The following RARB variants were observed in gnomAD, a reference collection of about 807,000 sequenced individuals.
The protein encoded by RARB is HBV-activated protein.
In RARB, 17 loss-of-function variants were observed where a neutral mutation model predicts 51.9. The ratio of observed to expected loss-of-function variants is 0.33; its 90% CI spans 0.22 to 0.49. RARB has a LOEUF of 0.49. Among genes scored for constraint, RARB ranks in the 20% least tolerant of loss-of-function variants. The probability of loss-of-function intolerance (pLI) is 0.99; values close to 1 mark genes in which losing one functional copy is unlikely to be tolerated. For synonymous variants in RARB, 215 were observed against 195.4 expected (o/e 1.10, Z -0.84); for missense variants, 369 against 550.8 (o/e 0.67, Z 3.30).
At chr3:25,364,110 A>G (rs1249152404) in intron 5 of RARB, among the ~76,000 whole-genome samples, 1 of 152,024 alleles carries the variant, frequency 6.6e-6, no homozygotes, top group Non-Finnish European at 1.5e-5. Flanking sequence ...TTAGCATACT[A>G]TATAATTTAT....
At chr3:25,390,892 T>G (rs1456991533) in intron 5 of RARB, among the ~76,000 whole-genome samples, 1 of 145,518 alleles carries the variant, frequency 6.9e-6, no homozygotes, top group African/African-American at 2.5e-5. Context: ...AATAATAACT[T>G]TGATAATTTT....
intron 2 of RARB, among the ~76,000 whole-genome samples, chr3:25,058,715 C>T (rs1335771302): frequency 1.3e-5 from 2 of 151,506 alleles, no homozygotes; most frequent in Non-Finnish European, 1.5e-5. Flanking sequence ...CCTATAAAAA[C>T]AAAAACCAAC....
At chr3:25,534,036 A>G (rs1279924892) in intron 3 of RARB, among the ~76,000 whole-genome samples, 1 of 152,226 alleles carries the variant, frequency 6.6e-6, no homozygotes, top group African/African-American at 2.4e-5. Flanking sequence ...TGCTTTTACT[A>G]TGTGCCAGTT....
intron 2 of RARB, among the ~76,000 whole-genome samples, chr3:24,944,269 T>C (rs1016666334): frequency 1.3e-5 from 2 of 152,182 alleles, no homozygotes; most frequent in Admixed American, 1.3e-4. Flanking sequence ...TTGATCCCCT[T>C]GGGGATGTAA....
At chr3:25,004,308 T>C (rs1176614440) in intron 2 of RARB, among the ~76,000 whole-genome samples, 1 of 152,126 alleles carries the variant, frequency 6.6e-6, no homozygotes, top group Non-Finnish European at 1.5e-5. Flanking sequence ...TTAGTGAAAA[T>C]ACAGCGTTTT....
chr3:25,211,941 C>A (rs1368918203), intron 5 of RARB, among the ~76,000 whole-genome samples: 1 of 152,012 alleles, frequency 6.6e-6, no homozygotes, highest in Non-Finnish European at 1.5e-5. Flanking sequence ...ACTTTATTTC[C>A]CCACTTAAAA....
chr3:25,378,861 G>A (rs1184967246), intron 5 of RARB, among the ~76,000 whole-genome samples: 1 of 152,088 alleles, frequency 6.6e-6, no homozygotes, highest in East Asian at 1.9e-4. Flanking sequence ...AAGCTATCAG[G>A]GAAGATAGCA....
At chr3:24,918,525 C>G (rs1234979222) in intron 2 of RARB, among the ~76,000 whole-genome samples, 1 of 152,188 alleles carries the variant, frequency 6.6e-6, no homozygotes, top group South Asian at 2.1e-4. Context: ...AAATTATACA[C>G]TTATAACAGG....
At chr3:24,929,255 T>C (rs1695391051) in intron 2 of RARB, among the ~76,000 whole-genome samples, 1 of 152,130 alleles carries the variant, frequency 6.6e-6, no homozygotes, top group Admixed American at 6.6e-5. Context: ...ACCCAGGTAC[T>C]AGCCTTACTT....
At chr3:25,159,562 A>G (rs1700442192) in intron 4 of RARB, among the ~76,000 whole-genome samples, 1 of 152,132 alleles carries the variant, frequency 6.6e-6, no homozygotes, top group South Asian at 2.1e-4. Flanking sequence ...TGCCACTTGG[A>G]AATATATTCT....
intron 2 of RARB, among the ~76,000 whole-genome samples, chr3:24,959,644 T>A (rs774326819): frequency 1.3e-5 from 2 of 152,216 alleles, no homozygotes; most frequent in Admixed American, 6.5e-5. Context: ...ACTGCCCTTT[T>A]CCGTCTAGAA....
rs1244107559 is a variant in RARB at position 25,470,022 on chromosome 3, C to T, written c.306+8681C>T. Among the ~76,000 whole-genome samples, 4 of 152,106 alleles carry T rather than the reference C, an allele frequency of 2.6e-5. No individual in the cohort carries two copies. The East Asian group carries it at 7.7e-4, about 29-fold the overall frequency. The stretch of plus-strand genomic sequence containing the variant: ...GGTCTGCGTGTTCAGTTCCGGAGGC[C>T]GTGTTGAGTCACGGTCCACCTGAAG... On this transcript the variant is annotated intron_variant, in intron 2 of 7. Coordinates refer to ENST00000330688, the MANE Select transcript of RARB (RefSeq NM_000965.5).
rs759913955 is a variant in RARB at position 25,174,474 on chromosome 3, C to A, written c.77C>A (p.Pro26Gln). 3.0e-6 allele frequency: 4 copies of A among 1,352,112 alleles called. No homozygotes were observed. In the Admixed American group the frequency reaches 5.7e-5, roughly 19 times the overall value. 83.8% of individuals were successfully genotyped at this position (1,352,112 alleles called of 1,614,324 possible). A position where few individuals can be genotyped will look rare whatever the true frequency, so the allele number is the denominator to read the frequency against. ...ACTCACTATCCAGCCACACCCTACCCGTTACTCTTTCCACCTGTCATCGGA... is the reference window on the plus strand; with the variant it reads ...ACTCACTATCCAGCCACACCCTACCAGTTACTCTTTCCACCTGTCATCGGA... The change falls in exon 5 of 12, where the codon CCG becomes CAG. Residue 26 changes from proline (P) to glutamine (Q), a missense_variant. Coordinates refer to the RARB transcript ENST00000383772.
chr3:25,201,048 A>C (rs1409583487), intron 5 of RARB, among the ~76,000 whole-genome samples: 1 of 152,074 alleles, frequency 6.6e-6, no homozygotes, highest in Non-Finnish European at 1.5e-5. Flanking sequence ...GGCCATTTTC[A>C]CGATATTGAT....
intron 2 of RARB, among the ~76,000 whole-genome samples, chr3:24,917,807 G>A (rs564155147): frequency 8.5e-5 from 13 of 152,322 alleles, no homozygotes; most frequent in African/African-American, 1.4e-4. Flanking sequence ...GCTTACAGGC[G>A]TGAGCCACAG....
At chr3:25,509,677 A>T (rs1697792670) in intron 3 of RARB, among the ~76,000 whole-genome samples, 1 of 152,086 alleles carries the variant, frequency 6.6e-6, no homozygotes, top group South Asian at 2.1e-4. Context: ...GGTATCCTGG[A>T]ACCCAACTCC....
chr3:25,007,546 G>T (rs1697297571), intron 2 of RARB, among the ~76,000 whole-genome samples: 1 of 128,206 alleles, frequency 7.8e-6, no homozygotes, highest in Non-Finnish European at 1.6e-5. Context: ...AGTGAGCTGA[G>T]ATTGCGCCAT....
At chr3:24,902,431 A>G (rs1408820008) in intron 2 of RARB, among the ~76,000 whole-genome samples, 1 of 151,992 alleles carries the variant, frequency 6.6e-6, no homozygotes, top group East Asian at 1.9e-4. Context: ...TGTCCACCCT[A>G]CAGAAGAAAG....
intron 2 of RARB, among the ~76,000 whole-genome samples, chr3:25,472,755 G>A (rs1389568809): frequency 6.6e-6 from 1 of 152,158 alleles, no homozygotes; most frequent in Non-Finnish European, 1.5e-5. Context: ...CATATTCCTA[G>A]TTCATTCAGC....
Sources: allele counts gnomAD v4.1 joint callset (sites outside exome capture counted in the v4.1 genomes callset), GRCh38; gene constraint gnomAD v4.1.1; transcripts MANE v1.5; gene names NCBI Gene and HGNC (gene_info 2026-07-23, HGNC 2026-07-21).